Variants in CA8 observed in about 807,000 individuals in gnomAD.
CA8 encodes the protein carbonic anhydrase-related protein.
CA8 carries 22 observed loss-of-function variants against 41.4 expected under a neutral mutation model. That is an observed-to-expected ratio of 0.53 (90% CI 0.38 to 0.76). The LOEUF is 0.76. Ranked by LOEUF, CA8 falls within the 30% of genes least tolerant of loss-of-function variation. The pLI is 0.00. For missense variants in CA8, 270 were observed against 352.8 expected (o/e 0.77, Z 1.88); for synonymous variants, 121 against 130.6 (o/e 0.93, Z 0.50).
chr8:60,217,319 C>T (rs1807056336), intron 7 of CA8, among the ~76,000 whole-genome samples: 1 of 152,226 alleles, frequency 6.6e-6, no homozygotes, highest in Non-Finnish European at 1.5e-5. Flanking sequence ...CTCCTTGTGG[C>T]TAAATCCAGT....
chr8:60,252,264 G>A (rs182335766), intron 3 of CA8, among the ~76,000 whole-genome samples: 1 of 152,312 alleles, frequency 6.6e-6, no homozygotes, highest in East Asian at 1.9e-4. Flanking sequence ...GTGATTCCAA[G>A]GAGTGTAGAT....
rs192973439 is a variant in CA8 at position 60,227,188 on chromosome 8, G to A, written c.514-253C>T. The stretch of plus-strand genomic sequence containing the variant: ...CCCCTGAAGTCCCAGCTACTCAGGA[G>A]GGTGAGGAAGAAGAATCGCTTGAAC... On this transcript the variant is annotated intron_variant, in intron 4 of 8. Coordinates refer to ENST00000317995, the MANE Select transcript of CA8 (RefSeq NM_004056.6). 1.1e-4 allele frequency among the ~76,000 whole-genome samples: 16 copies of A among 152,190 alleles called. No homozygotes were observed. The East Asian group carries it at 2.9e-3, about 28-fold the overall frequency.
chr8:60,266,706 A>AT (rs1188320162), intron 2 of CA8, among the ~76,000 whole-genome samples: 1 of 152,216 alleles, frequency 6.6e-6, no homozygotes, highest in Admixed American at 6.5e-5. Flanking sequence ...GGATATGATC[A>AT]AGACCTTTAT....
intron 2 of CA8, among the ~76,000 whole-genome samples, chr8:60,273,755 A>T (rs1453367384): frequency 6.6e-6 from 1 of 152,256 alleles, no homozygotes; most frequent in Non-Finnish European, 1.5e-5. Context: ...GTCCTGTAAG[A>T]ATATAAAAAT....
At chr8:60,260,791 C>G (rs1803706789) in intron 3 of CA8, among the ~76,000 whole-genome samples, 1 of 152,124 alleles carries the variant, frequency 6.6e-6, no homozygotes, top group Non-Finnish European at 1.5e-5. Flanking sequence ...CTAAAGTCAT[C>G]CCATTACATC....
chr8:60,248,809 G>C (rs1808343874), intron 3 of CA8, among the ~76,000 whole-genome samples: 1 of 152,054 alleles, frequency 6.6e-6, no homozygotes, highest in Non-Finnish European at 1.5e-5. Context: ...TAGTTTAATG[G>C]GAATAGCATT....
At chr8:60,208,698 G>A (rs370263753) in intron 8 of CA8, 52 bp downstream of exon 8, 85 of 1,434,746 alleles carry the variant, frequency 5.9e-5, no homozygotes, top group South Asian at 2.4e-4. Flanking sequence ...CCTTTGGTAC[G>A]CTAGGTTTAA....
At chr8:60,254,892 T>C (rs1429423854) in intron 3 of CA8, among the ~76,000 whole-genome samples, 1 of 152,204 alleles carries the variant, frequency 6.6e-6, no homozygotes, top group Non-Finnish European at 1.5e-5. Flanking sequence ...TAGATAACAA[T>C]GGAGCAAACA....
At chr8:60,204,794 T>C (rs1352728849) in intron 8 of CA8, among the ~76,000 whole-genome samples, 1 of 152,216 alleles carries the variant, frequency 6.6e-6, no homozygotes, top group Non-Finnish European at 1.5e-5. Flanking sequence ...CAAGTTCTAC[T>C]GACTGAAAAT....
rs1234594264 is a variant in CA8, at chr8:60,204,488, A to G, written c.*35+4262T>C. Among the ~76,000 whole-genome samples the G allele has an allele frequency of 2.6e-5, 4 of 152,234 alleles. No homozygotes were observed. In the East Asian group the frequency reaches 7.7e-4, roughly 29 times the overall value. ...CTAAAACATAAAAAGGAAGAGATATATTTTAAAGCACGAATTATTTTCTTT... is the reference window on the plus strand; with the variant it reads ...CTAAAACATAAAAAGGAAGAGATATGTTTTAAAGCACGAATTATTTTCTTT... On this transcript the variant is annotated intron_variant, in intron 8 of 8. Transcript: ENST00000317995.
intron 7 of CA8, among the ~76,000 whole-genome samples, chr8:60,218,306 G>A (rs1006933434): frequency 2.7e-5 from 4 of 146,484 alleles, no homozygotes; most frequent in African/African-American, 1.0e-4. Context: ...AAATGACTGG[G>A]TTTTTTTTTT....
intron 3 of CA8, among the ~76,000 whole-genome samples, chr8:60,261,047 A>T (rs1161439658): frequency 6.6e-6 from 1 of 152,086 alleles, no homozygotes; most frequent in African/African-American, 2.4e-5. Context: ...TTACTAAGAG[A>T]ACACTAAATA....
At chr8:60,255,275 C>T (rs1232534882) in intron 3 of CA8, among the ~76,000 whole-genome samples, 2 of 151,532 alleles carry the variant, frequency 1.3e-5, no homozygotes, top group African/African-American at 4.9e-5. Flanking sequence ...CCCGCCCCCG[C>T]CTAATTCTGG....
At chr8:60,209,506 T>G (rs1806759133) in intron 7 of CA8, among the ~76,000 whole-genome samples, 1 of 151,900 alleles carries the variant, frequency 6.6e-6, no homozygotes, top group Non-Finnish European at 1.5e-5. Context: ...GATACAAACC[T>G]CTCCCAAAAA....
intron 7 of CA8, among the ~76,000 whole-genome samples, chr8:60,209,491 A>T (rs772475866): frequency 1.6e-4 from 24 of 152,224 alleles, no homozygotes; most frequent in Non-Finnish European, 3.2e-4. Flanking sequence ...TCTCCAAAAA[A>T]CAATGATACA....
chr8:60,193,415 G>A (rs1806191070), intron 8 of CA8, among the ~76,000 whole-genome samples: 1 of 152,070 alleles, frequency 6.6e-6, no homozygotes, highest in South Asian at 2.1e-4. Flanking sequence ...CTCCTTTGCT[G>A]GCTCTCCTGT....
chr8:60,225,985 G>A lies in CA8; in HGVS notation c.576+888C>T, dbSNP rs1025891658. 2.4e-4 allele frequency among the ~76,000 whole-genome samples: 36 copies of A among 152,218 alleles called. 1 individual carries two copies. Among genetic ancestry groups the A allele is most frequent in the Admixed American group, 2.2e-3 (34 of 15,288 alleles). Reference sequence around the variant, plus strand: ...AAAAATACAAAAATTAGCTGGGCGTGGTGGTGGCATTGGCTTCCTAGCAAT... The same window carrying A: ...AAAAATACAAAAATTAGCTGGGCGTAGTGGTGGCATTGGCTTCCTAGCAAT... On this transcript the variant is annotated intron_variant, in intron 5 of 8. Transcript: ENST00000317995.
At chr8:60,229,473 C>G (rs967715216) in intron 4 of CA8, among the ~76,000 whole-genome samples, 3 of 152,136 alleles carry the variant, frequency 2.0e-5, no homozygotes, top group African/African-American at 7.2e-5. Flanking sequence ...CTTCTTTCTC[C>G]CTTACTGACC....
intron 7 of CA8, among the ~76,000 whole-genome samples, chr8:60,215,366 C>CACACAT (rs1384362112): frequency 4.7e-5 from 7 of 148,236 alleles, no homozygotes; most frequent in African/African-American, 1.5e-4. Context: ...TATACACACA[C>CACACAT]ACACACACAC....
Sources: allele counts gnomAD v4.1 joint callset (sites outside exome capture counted in the v4.1 genomes callset), GRCh38; gene constraint gnomAD v4.1.1; transcripts MANE v1.5; gene names NCBI Gene and HGNC (gene_info 2026-07-23, HGNC 2026-07-21).